The following GLIS3 variants were observed in gnomAD, a reference collection of about 807,000 sequenced individuals.
GLIS3 encodes the protein GLIS family zinc finger 3.
Under a neutral mutation model 78.6 loss-of-function variants are expected in GLIS3, and 53 were observed. That is an observed-to-expected ratio of 0.67 (90% CI 0.54 to 0.85). The LOEUF (loss-of-function observed/expected upper bound fraction) is 0.85, where lower values mean the gene tolerates loss of function less well. GLIS3 is among the 40% of genes least tolerant of loss of function. The pLI, the probability that GLIS3 is intolerant of heterozygous loss-of-function variation, is 0.00. For missense variants in GLIS3, 1,703 were observed against 1,231.1 expected, an observed-to-expected ratio of 1.38 and a Z score of -5.74; for synonymous variants, 684 against 509.9, an observed-to-expected ratio of 1.34 and a Z score of -4.60.
chr9:4,015,381 T>C (rs1405649968), intron 4 of GLIS3, among the ~76,000 whole-genome samples: 1 of 152,184 alleles, frequency 6.6e-6, no homozygotes, highest in East Asian at 1.9e-4. Context: ...AAAATGTTAA[T>C]GAGATGTTAC....
intron 2 of GLIS3, among the ~76,000 whole-genome samples, chr9:4,156,304 T>C (rs927319): frequency 0.22 from 33,258 of 152,110 alleles, 4,296 homozygotes; most frequent in African/African-American, 0.34. Context: ...CCTACACGAA[T>C]TTCTCTACTT....
intron 2 of GLIS3, chr9:4,151,186 C>T (rs531618456): frequency 6.6e-6 from 1 of 152,270 alleles, no homozygotes; most frequent in Admixed American, 6.5e-5. Flanking sequence ...AAAACGCCAC[C>T]AGAGACTTCT....
intron 4 of GLIS3, among the ~76,000 whole-genome samples, chr9:4,042,406 C>T (rs747323519): frequency 2.2e-4 from 33 of 152,174 alleles, no homozygotes; most frequent in Admixed American, 5.9e-4. Flanking sequence ...GAGCTGCTTC[C>T]GGTTAACCCA....
At chr9:3,845,611 G>A (rs988653080) in intron 9 of GLIS3, among the ~76,000 whole-genome samples, 1 of 152,168 alleles carries the variant, frequency 6.6e-6, no homozygotes. Flanking sequence ...TGTGCTAAAA[G>A]CCCAGGAACC....
At chr9:4,398,413 A>C in the GLIS3 span, among the ~76,000 whole-genome samples, 3 of 152,030 alleles carry the variant, frequency 2.0e-5, no homozygotes, top group African/African-American at 7.3e-5. Flanking sequence ...AGGTGATTCA[A>C]GTGCACATTC....
At chr9:4,340,858 G>C (rs1817824296) in intron 2 of GLIS3, among the ~76,000 whole-genome samples, 1 of 152,058 alleles carries the variant, frequency 6.6e-6, no homozygotes, top group African/African-American at 2.4e-5. Flanking sequence ...ACCCCTCCTG[G>C]CTAATTTTTG....
the GLIS3 span, among the ~76,000 whole-genome samples, chr9:4,376,741 C>T: frequency 5.2e-5 from 7 of 135,486 alleles, 1 homozygote; most frequent in Non-Finnish European, 1.0e-4. Flanking sequence ...CTATTTTTAA[C>T]CTATCAAATA....
chr9:4,185,673 T>C (rs530442460), intron 2 of GLIS3, among the ~76,000 whole-genome samples: 1 of 152,278 alleles, frequency 6.6e-6, no homozygotes, highest in South Asian at 2.1e-4. Flanking sequence ...AGGGAATCAG[T>C]CAATCATGTG....
At chr9:4,395,732 C>T in the GLIS3 span, among the ~76,000 whole-genome samples, 1 of 151,700 alleles carries the variant, frequency 6.6e-6, no homozygotes, top group South Asian at 2.1e-4. Context: ...TCGTTTACTA[C>T]GGACACTGAG....
intron 2 of GLIS3, among the ~76,000 whole-genome samples, chr9:4,181,992 G>A (rs1163611548): frequency 6.6e-6 from 1 of 152,206 alleles, no homozygotes; most frequent in East Asian, 1.9e-4. Flanking sequence ...GTTTCAGGGT[G>A]GATGTTAAGC....
chr9:3,879,045 C>T (rs565544635), intron 8 of GLIS3, among the ~76,000 whole-genome samples: 30 of 152,206 alleles, frequency 2.0e-4, no homozygotes, highest in African/African-American at 7.0e-4. Flanking sequence ...AAATCCTGTG[C>T]CTTAACAATA....
chr9:4,142,994 G>T (rs924389464), intron 2 of GLIS3, among the ~76,000 whole-genome samples: 1 of 151,964 alleles, frequency 6.6e-6, no homozygotes, highest in African/African-American at 2.4e-5. Flanking sequence ...TATAGCTGTT[G>T]GGTACTAGTT....
upstream of GLIS3, among the ~76,000 whole-genome samples, chr9:4,352,990 T>A (rs1390953268): frequency 6.6e-6 from 1 of 152,168 alleles, no homozygotes; most frequent in East Asian, 1.9e-4. Context: ...GTTCCAGACC[T>A]CAGTGGTTTT....
chr9:4,386,832 T>G, the GLIS3 span, among the ~76,000 whole-genome samples: 1 of 152,216 alleles, frequency 6.6e-6, no homozygotes, highest in Non-Finnish European at 1.5e-5. Flanking sequence ...CCTATTTTCC[T>G]GCTTCATCTC....
intron 2 of GLIS3, among the ~76,000 whole-genome samples, chr9:4,235,850 A>G (rs1383948592): frequency 6.6e-6 from 1 of 152,224 alleles, no homozygotes; most frequent in Non-Finnish European, 1.5e-5. Context: ...AAAGAAACAC[A>G]GGACTGAGTC....
intron 2 of GLIS3, among the ~76,000 whole-genome samples, chr9:4,203,611 T>TC (rs1239517124): frequency 6.6e-6 from 1 of 152,168 alleles, no homozygotes; most frequent in Non-Finnish European, 1.5e-5. Flanking sequence ...TGGGTATATA[T>TC]CCAAAAGAAA....
In GLIS3 at chr9:3,828,045, T is replaced by C; in HGVS notation, c.*227A>G. The C allele has an allele frequency of 1.7e-6, 1 of 577,574 alleles. No individual in the cohort carries two copies. The highest frequency in any genetic ancestry group is 3.1e-6 in the Non-Finnish European group (1 of 324,714). The allele number at this position is 577,574 out of a possible 1,614,324, so 35.8% of individuals were successfully genotyped here. A position where few individuals can be genotyped will look rare whatever the true frequency, so the allele number is the denominator to read the frequency against. On this transcript the variant is annotated 3_prime_UTR_variant, in exon 11 of 11. Transcript: ENST00000381971. ...TAAATTCCCTTTGAAAAGACAGTCC[T>C]CCTGGTCACATAGTCCAGGAAAACC... is the stretch of plus-strand genomic sequence containing the variant.
intron 4 of GLIS3, among the ~76,000 whole-genome samples, chr9:3,948,911 C>T (rs986509959): frequency 2.0e-5 from 3 of 152,188 alleles, no homozygotes; most frequent in Non-Finnish European, 4.4e-5. Flanking sequence ...CCATTATCAT[C>T]AACATCCATC....
the GLIS3 span, among the ~76,000 whole-genome samples, chr9:4,410,687 A>G: frequency 5.3e-5 from 8 of 152,190 alleles, no homozygotes; most frequent in African/African-American, 1.9e-4. Flanking sequence ...TGTTTTAGTG[A>G]TCAGGGGACG....
Sources: gnomAD v4.1 joint callset for allele counts (sites outside exome capture counted in the v4.1 genomes callset) on GRCh38, gnomAD v4.1.1 for gene constraint, MANE v1.5 for transcripts, NCBI Gene and HGNC (gene_info 2026-07-23, HGNC 2026-07-21) for gene names.